Variants in POLD1 observed in about 807,000 individuals in gnomAD.
The protein encoded by POLD1 is DNA polymerase delta 1, catalytic subunit, also known as DNA polymerase delta catalytic subunit.
In POLD1, 79 loss-of-function variants were observed where a neutral mutation model predicts 129.7. That is an observed-to-expected ratio of 0.61 (90% CI 0.51 to 0.73). The LOEUF (loss-of-function observed/expected upper bound fraction) is 0.73. Ranked by LOEUF, POLD1 falls within the 30% of genes least tolerant of loss-of-function variation. The probability of loss-of-function intolerance (pLI) is 0.00; values close to 1 mark genes in which losing one functional copy is unlikely to be tolerated. For missense variants in POLD1, 1,338 were observed against 1,595.8 expected, an observed-to-expected ratio of 0.84 and a Z score of 2.75; for synonymous variants, 714 against 683.3, an observed-to-expected ratio of 1.04 and a Z score of -0.70.
chr19:50,415,510 C>G lies in POLD1; in HGVS notation c.2637C>G (p.Ser879=). 6.2e-7 allele frequency: 1 copy of G among 1,613,430 alleles called. No individual in the cohort carries two copies. Among genetic ancestry groups the G allele is most frequent in the South Asian group, 1.1e-5 (1 of 91,070 alleles). Residue 879 remains serine (S), a synonymous_variant, in exon 21 of 27, where the codon TCC becomes TCG. Transcript: ENST00000440232. The stretch of plus-strand genomic sequence containing the variant: ...TGCTGTGCAACCGCATCGATATCTC[C>G]CAGCTGGTCATCACCAAGGAGCTGA... ...SDLLCNRIDI[S]QLVITKELTR...
At chr19:50,417,682 A>AC (rs1181000676) in intron 26 of POLD1, among the ~76,000 whole-genome samples, 160 bp from the exon 27 acceptor site, 880 of 77,444 alleles carry the variant, frequency 0.011, 15 homozygotes, top group Admixed American at 0.014. Flanking sequence ...CCCCCCCCCC[A>AC]CCCCCCCCGT....
intron 3 of POLD1, 69 bp from the exon 4 acceptor site, chr19:50,401,709 G>C (rs573934767): frequency 1.9e-6 from 3 of 1,553,764 alleles, no homozygotes; most frequent in Non-Finnish European, 2.6e-6. Context: ...AAGGTATTTC[G>C]AGGCTGTGGA....
chr19:50,412,999 A>G lies in POLD1; in HGVS notation c.2155-427A>G, dbSNP rs3219419. Among the ~76,000 whole-genome samples the G allele has an allele frequency of 9.4e-3, 1,434 of 151,848 alleles. 27 individuals are homozygous for G. Among genetic ancestry groups the G allele is most frequent in the African/African-American group, 0.029 (1,217 of 41,406 alleles). Reference sequence around the variant, plus strand: ...CCCCTGCTCTGGGGGGCATTTGTCAATGTGTAGGTAGGGCCAGTTCTGGTG... The same window carrying G: ...CCCCTGCTCTGGGGGGCATTTGTCAGTGTGTAGGTAGGGCCAGTTCTGGTG... On this transcript the variant is annotated intron_variant, in intron 17 of 26. Transcript: ENST00000440232.
chr19:50,389,625 C>T (rs961924774), intron 1 of POLD1, among the ~76,000 whole-genome samples: 5 of 150,326 alleles, frequency 3.3e-5, no homozygotes, highest in Admixed American at 6.6e-5. Context: ...CTTGCTCTAT[C>T]GCCCAGGCTG....
At chr19:50,401,387 ATATATTTTTT>A (rs2038612113) in intron 3 of POLD1, among the ~76,000 whole-genome samples, 7 of 59,170 alleles carry the variant, frequency 1.2e-4, no homozygotes, top group African/African-American at 3.9e-4. Flanking sequence ...ATATATATAT[ATATATTTTTT>A]TTTTTTTTTT....
Position 50,402,065 on chromosome 19 carries a change from GC to G in POLD1, c.531del (p.Arg180GlyfsTer3), listed in dbSNP as rs758623751. 6.2e-7 allele frequency: 1 copy of G among 1,614,066 alleles called. No individual in the cohort carries two copies. The highest frequency in any genetic ancestry group is 8.5e-7 in the Non-Finnish European group (1 of 1,179,986). ...AACTTGGCCATCAGCCGGGACAGTC[GC>G]GGGGGGAGGGAGCTGACTGGGCCGG... ...ELNLAISRDSRGGRELTGPAV... is the reference protein window; with the variant it reads ...ELNLAISRDSXGGRELTGPAV... On this transcript the variant is annotated frameshift_variant, in exon 5 of 27. Coordinates refer to ENST00000440232, the MANE Select transcript of POLD1 (RefSeq NM_002691.4). LOFTEE classifies it high-confidence loss of function.
Position 50,409,697 on chromosome 19 carries a change from G to C in POLD1, c.2154+31G>C, listed in dbSNP as rs2122391193. The C allele has an allele frequency of 1.3e-6, 2 of 1,573,808 alleles. No individual in the cohort carries two copies. Among genetic ancestry groups the C allele is most frequent in the Non-Finnish European group, 1.7e-6 (2 of 1,157,338 alleles). On this transcript the variant is annotated intron_variant, in intron 17 of 26. Coordinates refer to ENST00000440232, the MANE Select transcript of POLD1 (RefSeq NM_002691.4). This position sits in a 1 kb window ranked among gnomAD's most constrained non-coding sequence, Gnocchi z 5.8. ...CACTCGGGCCCCTGGAAGGCAACTG[G>C]GGGCAGGTGGGCCCCCTGTGTAGGA...
chr19:50,413,934 G>T (rs2122453814), intron 19 of POLD1, 55 bp downstream of exon 19: 2 of 1,509,446 alleles, frequency 1.3e-6, no homozygotes, highest in Middle Eastern at 1.9e-4. Context: ...GGGTACTCAG[G>T]GTGTCCCGTT....
chr19:50,415,302 A>T, intron 20 of POLD1, 136 bp from the exon 21 acceptor site: 1 of 855,954 alleles, frequency 1.2e-6, no homozygotes, highest in Non-Finnish European at 1.8e-6. Flanking sequence ...TCTGCAGCCT[A>T]TGGTAGGAAG....
chr19:50,407,458 G>A lies in POLD1; in HGVS notation c.1775+43G>A, dbSNP rs774587609. 3.1e-5 allele frequency: 42 copies of A among 1,353,880 alleles called. 1 individual carries two copies. Among genetic ancestry groups the A allele is most frequent in the Admixed American group, 8.6e-5 (4 of 46,452 alleles). The allele number at this position is 1,353,880 out of a possible 1,614,324, so 83.9% of individuals were successfully genotyped here. ...GTGCAGTTTTTACCTGTAATCTCTG[G>A]GAGGCTGAGGTGGGAGGATCACTTG... On this transcript the variant is annotated intron_variant, in intron 14 of 26. Coordinates refer to ENST00000440232, the MANE Select transcript of POLD1 (RefSeq NM_002691.4).
chr19:50,389,589 T>C (rs77725613), intron 1 of POLD1, among the ~76,000 whole-genome samples: 3 of 135,494 alleles, frequency 2.2e-5, no homozygotes, highest in Admixed American at 2.1e-4. Flanking sequence ...TAATTTCTTA[T>C]TTTTTTTTTT....
chr19:50,386,161 A>G (rs192164828), intron 1 of POLD1, among the ~76,000 whole-genome samples: 430 of 151,228 alleles, frequency 2.8e-3, no homozygotes, highest in African/African-American at 9.9e-3. Flanking sequence ...GGTTTTTGAG[A>G]CAGGGTCTTG....
intron 10 of POLD1, among the ~76,000 whole-genome samples, chr19:50,405,536 C>T (rs563510838): frequency 6.6e-6 from 1 of 152,250 alleles, no homozygotes; most frequent in South Asian, 2.1e-4. Context: ...CAAGACCAGC[C>T]AGGGCAACAT....
At chr19:50,413,279 G>C in intron 17 of POLD1, 147 bp from the exon 18 acceptor site, 1 of 646,232 alleles carries the variant, frequency 1.5e-6, no homozygotes, top group Non-Finnish European at 2.7e-6. Flanking sequence ...TTGCAGATTT[G>C]GGAACTGAGG....
chr19:50,408,758 T>TCCCGG, intron 14 of POLD1, 27 bp from the exon 15 acceptor site: 1 of 1,612,246 alleles, frequency 6.2e-7, no homozygotes, highest in Non-Finnish European at 8.5e-7. Flanking sequence ...TAGCCCTGAC[T>TCCCGG]CCCGGCCGCG....
rs1060501806 is a variant in POLD1 at position 50,413,879 on chromosome 19, G to C, written c.2388G>C (p.Lys796Asn). 4.4e-6 allele frequency: 7 copies of C among 1,596,494 alleles called. No individual in the cohort carries two copies. In the Admixed American group the frequency reaches 8.6e-5, roughly 20 times the overall value. Residue 796 changes from lysine to asparagine, a missense_variant and splice_region_variant, in exon 19 of 27, where the codon AAG becomes AAC. Physicochemically the swap from Lys to Asn is moderately conservative, Grantham distance 94. Coordinates refer to ENST00000440232, the MANE Select transcript of POLD1 (RefSeq NM_002691.4). ...CGCCCATCCGGCTGGAGTTTGAGAA[G>C]GTGCGTGGCTGGGTCAGGGGCTCTG... ...FPSPIRLEFEKVYFPYLLISK... is the reference protein window; with the variant it reads ...FPSPIRLEFENVYFPYLLISK...
rs140707092 is a variant in POLD1, at chr19:50,402,067, G to A, written c.532G>A (p.Gly178Arg). The A allele has an allele frequency of 1.6e-5, 26 of 1,613,916 alleles. No homozygotes were observed. In the Admixed American group the frequency reaches 1.7e-4, roughly 10 times the overall value. ...CTTGGCCATCAGCCGGGACAGTCGCGGGGGGAGGGAGCTGACTGGGCCGGC... is the reference window on the plus strand; with the variant it reads ...CTTGGCCATCAGCCGGGACAGTCGCAGGGGGAGGGAGCTGACTGGGCCGGC... ...LNLAISRDSRGGRELTGPAVL... is the reference protein window; with the variant it reads ...LNLAISRDSRRGRELTGPAVL... The change falls in exon 5 of 27, where the codon GGG (glycine) becomes AGG (arginine). Residue 178 changes from glycine (G) to arginine (R), a missense_variant. Gly to Arg is a moderately radical substitution (Grantham distance 125). Coordinates refer to ENST00000440232, the MANE Select transcript of POLD1 (RefSeq NM_002691.4).
At chr19:50,401,361 A>G (rs1199516032) in intron 3 of POLD1, among the ~76,000 whole-genome samples, 149 of 89,414 alleles carry the variant, frequency 1.7e-3, no homozygotes, top group South Asian at 4.3e-3. Flanking sequence ...GTATTTGTGT[A>G]TATGTGTATA....
At chr19:50,403,308 C>T (rs1251154413) in intron 9 of POLD1, 89 bp downstream of exon 9, 2 of 1,367,756 alleles carry the variant, frequency 1.5e-6, no homozygotes, top group Admixed American at 4.5e-5. Flanking sequence ...GCTGCGACGC[C>T]CATGTCTGTG....
Sources: allele counts gnomAD v4.1 joint callset (sites outside exome capture counted in the v4.1 genomes callset), GRCh38; gene constraint gnomAD v4.1.1; non-coding constraint Gnocchi (gnomAD v3.1); transcripts MANE v1.5; gene names NCBI Gene and HGNC (gene_info 2026-07-23, HGNC 2026-07-21).